The following TEAD4 variants were observed in gnomAD, a reference collection of about 807,000 sequenced individuals.
TEAD4 encodes the protein transcriptional enhancer factor TEF-3.
TEAD4 carries 36 observed loss-of-function variants against 52.4 expected under a neutral mutation model. The observed-to-expected ratio is 0.69, with a 90% CI of 0.53 to 0.91. The LOEUF (loss-of-function observed/expected upper bound fraction) is 0.91, where lower values mean the gene tolerates loss of function less well. Ranked by LOEUF, TEAD4 falls within the 40% of genes least tolerant of loss-of-function variation. The pLI is 0.00. For missense variants in TEAD4, 508 were observed against 583.9 expected (o/e 0.87, Z 1.34); for synonymous variants, 220 against 231.0 (o/e 0.95, Z 0.43).
intron 3 of TEAD4, among the ~76,000 whole-genome samples, chr12:3,009,354 C>T (rs1400753190): frequency 2.6e-5 from 4 of 152,278 alleles, no homozygotes; most frequent in Middle Eastern, 3.4e-3. Context: ...CGCTTGAACC[C>T]GGGAGGCGGA....
intron 10 of TEAD4, among the ~76,000 whole-genome samples, chr12:3,033,843 T>C (rs530194204): frequency 6.6e-6 from 1 of 152,014 alleles, no homozygotes; most frequent in Non-Finnish European, 1.5e-5. Flanking sequence ...TTGCTCAGTG[T>C]GGGGGGATAT....
intron 10 of TEAD4, among the ~76,000 whole-genome samples, chr12:3,037,188 T>C (rs532920234): frequency 1.3e-5 from 2 of 152,314 alleles, no homozygotes; most frequent in Non-Finnish European, 2.9e-5. Flanking sequence ...AAGGGCCTTG[T>C]GAGCCAGGCC....
At chr12:3,032,855 A>G (rs567550393) in intron 10 of TEAD4, among the ~76,000 whole-genome samples, 136 of 152,302 alleles carry the variant, frequency 8.9e-4, no homozygotes, top group Non-Finnish European at 1.6e-3. Flanking sequence ...GGGGAAAGGT[A>G]CATATTCGTG....
At chr12:2,985,566 C>T (rs1370325701) in intron 2 of TEAD4, among the ~76,000 whole-genome samples, 10 of 128,152 alleles carry the variant, frequency 7.8e-5, no homozygotes, top group African/African-American at 1.8e-4. Flanking sequence ...AGTGTAGTGG[C>T]ACGATCTCGG....
rs117099752 is a variant in TEAD4 at position 3,014,803 on chromosome 12, C to T, written c.354+2571C>T. On this transcript the variant is annotated intron_variant, in intron 5 of 12. Coordinates refer to ENST00000359864, the MANE Select transcript of TEAD4 (RefSeq NM_003213.4). ...CCCCTGCCCCACCCTGCCCAGGCCG[C>T]GGTTTCCTGAGCCCCAGCCGTTTGT... is the stretch of plus-strand genomic sequence containing the variant. Among the ~76,000 whole-genome samples the T allele has an allele frequency of 8.0e-3, 1,215 of 152,340 alleles. 19 individuals carry two copies. The highest frequency in any genetic ancestry group is 0.031 in the East Asian group (159 of 5,170).
At chr12:3,026,493 G>A (rs899293641) in intron 10 of TEAD4, among the ~76,000 whole-genome samples, 1 of 152,112 alleles carries the variant, frequency 6.6e-6, no homozygotes, top group Non-Finnish European at 1.5e-5. Flanking sequence ...CTGTACTCAG[G>A]GTCATGACTG....
intron 2 of TEAD4, among the ~76,000 whole-genome samples, chr12:2,975,303 GCATTTGTTGCAATTGATGTA>G (rs2098228665): frequency 1.3e-5 from 2 of 151,596 alleles, no homozygotes; most frequent in East Asian, 3.9e-4. Context: ...TTAACATCTT[GCATTTGTTGCAATTGATGTA>G]CATTTGTTGC....
chr12:2,960,367 C>T (rs1397836751), intron 2 of TEAD4: 3 of 985,488 alleles, frequency 3.0e-6, no homozygotes, highest in Admixed American at 6.2e-5. Flanking sequence ...AGCGGACTGC[C>T]TGTTTTAAGT....
intron 10 of TEAD4, among the ~76,000 whole-genome samples, chr12:3,037,314 T>G (rs958742423): frequency 1.3e-5 from 2 of 152,112 alleles, no homozygotes; most frequent in Non-Finnish European, 2.9e-5. Flanking sequence ...GAGGGACAGC[T>G]GGTGCTGGGG....
rs75038966 is a variant in TEAD4, at chr12:3,000,715, C to T, written c.226+5723C>T. On this transcript the variant is annotated intron_variant, in intron 3 of 12. Coordinates refer to ENST00000359864, the MANE Select transcript of TEAD4 (RefSeq NM_003213.4). ...GAGCATCAGTCTAGAGGCGAGACTT[C>T]ACATGGTGGGTTTGGGGGACCCTGG... Among the ~76,000 whole-genome samples, 251 of 152,266 alleles carry T rather than the reference C, an allele frequency of 1.6e-3. 3 individuals are homozygous for T. The highest frequency in any genetic ancestry group is 0.014 in the East Asian group (73 of 5,174).
rs1489638948 is a variant in TEAD4 at position 2,959,784 on chromosome 12, T to C, written c.-122-164T>C. ...CCCCGTGTTTTCCCGTCAGTCCCAT[T>C]CTGGGAAAACTCCTCCCTCCGCGCG... On this transcript the variant is annotated intron_variant, in intron 1 of 12. Coordinates refer to ENST00000359864, the MANE Select transcript of TEAD4 (RefSeq NM_003213.4). The surrounding 1 kb of genome is among the most constrained non-coding windows in gnomAD (Gnocchi z 5.1). 6.7e-6 allele frequency: 1 copy of C among 150,220 alleles called. No homozygotes were observed. Among genetic ancestry groups the C allele is most frequent in the Non-Finnish European group, 1.5e-5 (1 of 67,778 alleles). The allele number at this position is 150,220 out of a possible 1,614,324, so 9.3% of individuals were successfully genotyped here. A position where few individuals can be genotyped will look rare whatever the true frequency, so the allele number is the denominator to read the frequency against.
intron 2 of TEAD4, among the ~76,000 whole-genome samples, chr12:2,966,799 T>C (rs576977697): frequency 8.7e-4 from 132 of 152,128 alleles, no homozygotes; most frequent in African/African-American, 3.0e-3. Context: ...CTCCGCCTCC[T>C]GGGTTCAAGC....
intron 5 of TEAD4, 47 bp from the exon 6 acceptor site, chr12:3,017,351 C>T (rs1477662470): frequency 6.2e-7 from 1 of 1,612,704 alleles, no homozygotes; most frequent in Admixed American, 1.7e-5. Flanking sequence ...TGGCCTCAGC[C>T]TGACTAGTGA....
At chr12:3,020,077 C>T (rs1224422552) in intron 8 of TEAD4, among the ~76,000 whole-genome samples, 1 of 152,120 alleles carries the variant, frequency 6.6e-6, no homozygotes, top group Non-Finnish European at 1.5e-5. Flanking sequence ...CCTTCCTGGC[C>T]CCCTGGTGCC....
At chr12:2,988,323 G>A (rs894569241) in intron 2 of TEAD4, among the ~76,000 whole-genome samples, 12 of 151,958 alleles carry the variant, frequency 7.9e-5, no homozygotes, top group African/African-American at 2.7e-4. Flanking sequence ...GACCAGCCTG[G>A]CCAACATGGC....
intron 10 of TEAD4, among the ~76,000 whole-genome samples, chr12:3,035,257 T>C (rs961153524): frequency 6.6e-6 from 1 of 152,214 alleles, no homozygotes; most frequent in South Asian, 2.1e-4. Context: ...GGCACATGAA[T>C]GTGGCATTGA....
rs369060533 is a variant in TEAD4, at chr12:3,021,834, C to G, written c.724-10C>G. On this transcript the variant is annotated splice_polypyrimidine_tract_variant and intron_variant, in intron 9 of 12. Transcript: ENST00000359864. ...GTGCTCCGTCTCCCTCAGACCCACT[C>G]TCTCCACAGTACAACAAGCACCTGT... The G allele has an allele frequency of 1.9e-6, 3 of 1,613,252 alleles. No homozygotes were observed. The African/African-American group carries it at 4.0e-5, about 22-fold the overall frequency.
chr12:3,001,475 A>G (rs1219030185), intron 3 of TEAD4, among the ~76,000 whole-genome samples: 1 of 152,204 alleles, frequency 6.6e-6, no homozygotes, highest in Non-Finnish European at 1.5e-5. Context: ...TAGGCATTTC[A>G]TAAAGGTGGA....
At position 3,024,167 on chromosome 12, in the gene TEAD4, C is replaced by T. The variant is rs534812886; in HGVS notation, c.897+2150C>T. Among the ~76,000 whole-genome samples, 6 of 152,036 alleles carry T rather than the reference C, an allele frequency of 3.9e-5. No individual in the cohort carries two copies. The East Asian group carries it at 5.8e-4, about 15-fold the overall frequency. ...TTGGCTCACTGCAAGCTCCGCCTCC[C>T]GGGTTCACGCCATTCTCCTGCCTCA... is the stretch of plus-strand genomic sequence containing the variant. On this transcript the variant is annotated intron_variant, in intron 10 of 12. Transcript: ENST00000359864.
Sources: allele counts gnomAD v4.1 joint callset (sites outside exome capture counted in the v4.1 genomes callset), GRCh38; gene constraint gnomAD v4.1.1; non-coding constraint Gnocchi (gnomAD v3.1); transcripts MANE v1.5; gene names NCBI Gene and HGNC (gene_info 2026-07-23, HGNC 2026-07-21).